Variants in CYP39A1 observed in about 807,000 individuals in gnomAD.
CYP39A1 encodes the protein cytochrome P450 family 39 subfamily A member 1, also known as 24-hydroxycholesterol 7-alpha-hydroxylase.
In CYP39A1, 49 loss-of-function variants were observed where a neutral mutation model predicts 58.1. The observed-to-expected ratio is 0.84, with a 90% confidence interval of 0.67 to 1.07. The LOEUF (loss-of-function observed/expected upper bound fraction) is 1.07, where lower values mean the gene tolerates loss of function less well. Among genes scored for constraint, CYP39A1 ranks in the 50% least tolerant of loss-of-function variants. The pLI, the probability that CYP39A1 is intolerant of heterozygous loss-of-function variation, is 0.00. For synonymous variants in CYP39A1, 209 were observed against 187.6 expected, an observed-to-expected ratio of 1.11 and a Z score of -0.93; for missense variants, 531 against 539.4, an observed-to-expected ratio of 0.98 and a Z score of 0.16.
In CYP39A1 at chr6:46,627,228, A is replaced by G. The variant is rs190722730; in HGVS notation, c.841-1720T>C. On this transcript the variant is annotated intron_variant, in intron 6 of 11. Coordinates refer to ENST00000275016, the MANE Select transcript of CYP39A1 (RefSeq NM_016593.5). ...CCTCCCTTTACATGTGGGGATTACA[A>G]TTCAAGATGAGATGCGGGTGGGTAC... 2.2e-3 allele frequency among the ~76,000 whole-genome samples: 335 copies of G among 152,234 alleles called. 1 individual carries two copies. The highest frequency in any genetic ancestry group is 3.8e-3 in the Non-Finnish European group (259 of 68,012).
intron 7 of CYP39A1, among the ~76,000 whole-genome samples, chr6:46,598,687 G>C (rs576650029): frequency 3.9e-4 from 59 of 152,246 alleles, no homozygotes; most frequent in African/African-American, 1.4e-3. Context: ...GCATTCACTG[G>C]AGAATAAAGT....
At chr6:46,608,690 T>C (rs971580035) in intron 7 of CYP39A1, among the ~76,000 whole-genome samples, 2 of 152,012 alleles carry the variant, frequency 1.3e-5, no homozygotes, top group African/African-American at 4.8e-5. Flanking sequence ...TCTCGGCTGA[T>C]TGCAACCTCC....
chr6:46,578,051 C>A (rs545955120), intron 10 of CYP39A1, among the ~76,000 whole-genome samples: 1 of 151,908 alleles, frequency 6.6e-6, no homozygotes, highest in East Asian at 1.9e-4. Context: ...TCAACAAATT[C>A]AAAAAACCAA....
intron 2 of CYP39A1, among the ~76,000 whole-genome samples, chr6:46,639,925 A>G (rs1776227126): frequency 6.6e-6 from 1 of 151,964 alleles, no homozygotes. Context: ...GACCAGCCTG[A>G]CCAACATGGT....
rs376515142 is a variant in CYP39A1 at position 46,637,954 on chromosome 6, C to T, written c.513G>A (p.Val171=). The T allele has an allele frequency of 6.2e-7, 1 of 1,611,622 alleles. No homozygotes were observed. Among genetic ancestry groups the T allele is most frequent in the Non-Finnish European group, 8.5e-7 (1 of 1,179,444 alleles). Residue 171 remains valine, a synonymous_variant, in exon 4 of 12, where the codon GTG becomes GTA. Transcript: ENST00000275016. ...LVRHLLYPVT[V]NMLFNKSLFS... ...ACAAACTTTTATTAAAGAGCATATT[C>T]ACTGTGACTGGATAAAGGAGATGTC... is the stretch of plus-strand genomic sequence containing the variant.
At chr6:46,570,221 C>T (rs1327177844) in intron 10 of CYP39A1, among the ~76,000 whole-genome samples, 3 of 152,084 alleles carry the variant, frequency 2.0e-5, no homozygotes, top group African/African-American at 7.2e-5. Flanking sequence ...TGTCTTCTGT[C>T]TCTTTTCATC....
intron 8 of CYP39A1, among the ~76,000 whole-genome samples, chr6:46,594,008 T>C (rs1397853290): frequency 6.6e-6 from 1 of 152,128 alleles, no homozygotes; most frequent in South Asian, 2.1e-4. Context: ...GCAAAATAAC[T>C]TTCTTCACAT....
intron 7 of CYP39A1, among the ~76,000 whole-genome samples, chr6:46,605,523 G>A (rs1165032966): frequency 6.6e-6 from 1 of 152,150 alleles, no homozygotes; most frequent in East Asian, 1.9e-4. Flanking sequence ...AAGAGCTGGA[G>A]GATGTCCAGT....
chr6:46,587,984 A>T, intron 9 of CYP39A1, 50 bp downstream of exon 9: 1 of 1,135,576 alleles, frequency 8.8e-7, no homozygotes, highest in Non-Finnish European at 1.3e-6. Flanking sequence ...CTTCTGAAAT[A>T]AAAAGAAATT....
At chr6:46,553,575 G>A (rs1770521461) in intron 11 of CYP39A1, among the ~76,000 whole-genome samples, 192 bp downstream of exon 11, 1 of 152,110 alleles carries the variant, frequency 6.6e-6, no homozygotes. Flanking sequence ...GTAGTAATTG[G>A]GTACATAGAT....
chr6:46,605,401 T>C (rs1003523381), intron 7 of CYP39A1, among the ~76,000 whole-genome samples: 2 of 152,184 alleles, frequency 1.3e-5, no homozygotes, highest in Non-Finnish European at 2.9e-5. Context: ...GGAAAATTCT[T>C]TGGCAGACAG....
At chr6:46,636,360 T>C (rs1331802491) in intron 5 of CYP39A1, 29 bp downstream of exon 5, 1 of 1,465,580 alleles carries the variant, frequency 6.8e-7, no homozygotes, top group East Asian at 2.3e-5. Context: ...TATCTTTACA[T>C]TAGCAAAAGA....
At chr6:46,564,805 T>G (rs900328313) in intron 10 of CYP39A1, among the ~76,000 whole-genome samples, 1 of 152,156 alleles carries the variant, frequency 6.6e-6, no homozygotes, top group Admixed American at 6.6e-5. Context: ...CTGAAGTATA[T>G]TCCTAGTTGC....
intron 1 of CYP39A1, among the ~76,000 whole-genome samples, chr6:46,648,671 T>TA (rs964718927): frequency 2.6e-5 from 4 of 150,978 alleles, no homozygotes; most frequent in African/African-American, 4.9e-5. Context: ...AGTATAATAA[T>TA]AAAAAAAAAT....
chr6:46,642,353 G>A (rs923520616), intron 1 of CYP39A1, 55 bp from the exon 2 acceptor site: 2 of 1,517,304 alleles, frequency 1.3e-6, no homozygotes, highest in African/African-American at 2.8e-5. Flanking sequence ...CCATGTTTAA[G>A]ACCATTCTCC....
Position 46,587,091 on chromosome 6 carries a change from G to A in CYP39A1, c.1236C>T (p.Phe412=), listed in dbSNP as rs1472689590. 6.2e-7 allele frequency: 1 copy of A among 1,611,156 alleles called. No homozygotes were observed. Among genetic ancestry groups the A allele is most frequent in the Non-Finnish European group, 8.5e-7 (1 of 1,178,764 alleles). Residue 412 remains phenylalanine (F), a synonymous_variant, in exon 10 of 12, where the codon TTC becomes TTT. Coordinates refer to ENST00000275016, the MANE Select transcript of CYP39A1 (RefSeq NM_016593.5). ...GTCTCACTGACCTTGCAGGACACTG[G>A]AACTTCCCGCTTCCAAATGCCATGA... ...DCFMAFGSGK[F]QCPARWFALL...
intron 8 of CYP39A1, among the ~76,000 whole-genome samples, chr6:46,589,068 T>C (rs1392819260): frequency 1.3e-5 from 2 of 152,164 alleles, no homozygotes; most frequent in Non-Finnish European, 2.9e-5. Flanking sequence ...CACATCTATT[T>C]AACCGTGTAT....
In CYP39A1 at chr6:46,614,912, G is replaced by C. The variant is rs148770462; in HGVS notation, c.931+10506C>G. Among the ~76,000 whole-genome samples the C allele has an allele frequency of 2.0e-3, 311 of 152,228 alleles. 1 individual carries two copies. The highest frequency in any genetic ancestry group is 7.3e-3 in the African/African-American group (305 of 41,542). On this transcript the variant is annotated intron_variant, in intron 7 of 11. Transcript: ENST00000275016. Reference sequence around the variant, plus strand: ...GATGTCAAGTGCATTGTGGCCACTGGCATAGGATACTGAATGACGCTGTGT... The same window carrying C: ...GATGTCAAGTGCATTGTGGCCACTGCCATAGGATACTGAATGACGCTGTGT...
chr6:46,606,274 T>C (rs963952100), intron 7 of CYP39A1, among the ~76,000 whole-genome samples: 24 of 152,292 alleles, frequency 1.6e-4, no homozygotes, highest in Middle Eastern at 3.4e-3. Context: ...ATAAATATTT[T>C]GATAAAATAT....
Sources: allele counts gnomAD v4.1 joint callset (sites outside exome capture counted in the v4.1 genomes callset), GRCh38; gene constraint gnomAD v4.1.1; transcripts MANE v1.5; gene names NCBI Gene and HGNC (gene_info 2026-07-23, HGNC 2026-07-21).